Variants in PLOD1 observed in about 807,000 individuals in gnomAD.
PLOD1 encodes lysine hydroxylase.
In PLOD1, 70 loss-of-function variants were observed where a neutral mutation model predicts 94.7. The ratio of observed to expected loss-of-function variants is 0.74; its 90% CI spans 0.61 to 0.90. The LOEUF is 0.90. Among genes scored for constraint, PLOD1 ranks in the 40% least tolerant of loss-of-function variants. The probability of loss-of-function intolerance (pLI) is 0.00; values close to 1 mark genes in which losing one functional copy is unlikely to be tolerated. For missense variants in PLOD1, 905 were observed against 972.7 expected (o/e 0.93, Z 0.93); for synonymous variants, 417 against 400.2 (o/e 1.04, Z -0.50).
Position 11,966,991 on chromosome 1 carries a change from G to T in PLOD1, c.1655G>T (p.Cys552Phe). 1 of 1,609,430 alleles carries T rather than the reference G, an allele frequency of 6.2e-7. No homozygotes were observed. The highest frequency in any genetic ancestry group is 8.5e-7 in the Non-Finnish European group (1 of 1,175,698). The change falls in exon 16 of 19, where the codon TGC becomes TTC. Residue 552 changes from cysteine to phenylalanine, a missense_variant. Cys to Phe is a radical substitution (Grantham distance 205). Transcript: ENST00000196061. ...CTGAGTCCCTGCCCTCCCCAGCCCT[G>T]CCCGGATGTCTATTGGTTCCCCATC... ...ALAGKLVETP[C>F]PDVYWFPIFT...
chr1:11,957,699 A>G lies in PLOD1; in HGVS notation c.742-143A>G, dbSNP rs1178701878. 2.6e-6 allele frequency: 2 copies of G among 756,998 alleles called. No individual in the cohort carries two copies. The highest frequency in any genetic ancestry group is 2.5e-5 in the East Asian group (1 of 39,986). 46.9% of individuals were successfully genotyped at this position (756,998 alleles called of 1,614,324 possible). ...AGAGCGGCTTGGTGATCTCCTGGGG[A>G]TGGAGCATTATCTCCAAGACCCTCT... On this transcript the variant is annotated intron_variant, in intron 7 of 18. Coordinates refer to ENST00000196061, the MANE Select transcript of PLOD1 (RefSeq NM_000302.4). The surrounding 1 kb of genome is among the most constrained non-coding windows in gnomAD (Gnocchi z 4.1).
chr1:11,955,303 C>T (rs781226320), intron 6 of PLOD1, among the ~76,000 whole-genome samples: 2 of 152,184 alleles, frequency 1.3e-5, no homozygotes, highest in African/African-American at 2.4e-5. Flanking sequence ...CCCTTGATGC[C>T]GCAAACATCC....
chr1:11,938,727 G>A (rs1645596400), intron 1 of PLOD1, among the ~76,000 whole-genome samples: 1 of 152,136 alleles, frequency 6.6e-6, no homozygotes, highest in South Asian at 2.1e-4. Context: ...GTGGGGTGCT[G>A]TCAGCAGCTT....
At chr1:11,973,924 A>G (rs1208874648) in intron 18 of PLOD1, among the ~76,000 whole-genome samples, 1 of 152,124 alleles carries the variant, frequency 6.6e-6, no homozygotes, top group African/African-American at 2.4e-5. Flanking sequence ...GGTTTTTACA[A>G]CTATGAGGGG....
At chr1:11,952,334 C>T (rs1003380771) in intron 4 of PLOD1, among the ~76,000 whole-genome samples, 2 of 152,210 alleles carry the variant, frequency 1.3e-5, no homozygotes, top group East Asian at 1.9e-4. Flanking sequence ...TCGTACAATC[C>T]GTTTCTTCAC....
At chr1:11,936,343 G>C (rs955797141) in intron 1 of PLOD1, among the ~76,000 whole-genome samples, 1 of 151,446 alleles carries the variant, frequency 6.6e-6, no homozygotes, top group African/African-American at 2.4e-5. Context: ...GCCATCTCCA[G>C]GGCTGTCCCG....
intron 16 of PLOD1, among the ~76,000 whole-genome samples, 159 bp from the exon 17 acceptor site, chr1:11,970,511 A>G (rs1404221653): frequency 6.6e-6 from 1 of 152,134 alleles, no homozygotes; most frequent in Non-Finnish European, 1.5e-5. Flanking sequence ...GATTAACCCA[A>G]AGTCAACTGA....
chr1:11,952,669 G>C lies in PLOD1; in HGVS notation c.513G>C (p.Trp171Cys). 6.2e-7 allele frequency: 1 copy of C among 1,614,154 alleles called. No individual in the cohort carries two copies. Among genetic ancestry groups the C allele is most frequent in the Admixed American group, 1.7e-5 (1 of 60,028 alleles). ...ACCTCAGCAAACTGGTGGCCGAGTG[G>C]GAGGGCCAGGACAGCGACAGCGATC... ...APNLSKLVAE[W>C]EGQDSDSDQL... Residue 171 changes from tryptophan (W) to cysteine (C), a missense_variant, in exon 5 of 19, where the codon TGG (tryptophan) becomes TGC (cysteine). Transcript: ENST00000196061.
intron 3 of PLOD1, 53 bp from the exon 4 acceptor site, chr1:11,950,304 T>C: frequency 1.9e-6 from 3 of 1,580,504 alleles, no homozygotes; most frequent in Non-Finnish European, 2.6e-6. Flanking sequence ...GTGCCCTCAC[T>C]GGGCCCCTGC....
intron 16 of PLOD1, among the ~76,000 whole-genome samples, chr1:11,969,510 G>C (rs1645845780): frequency 6.6e-6 from 1 of 152,224 alleles, no homozygotes; most frequent in African/African-American, 2.4e-5. Context: ...GCTGATGCTT[G>C]TGCTCCAGTG....
intron 17 of PLOD1, 31 bp downstream of exon 17, chr1:11,970,847 G>C: frequency 1.3e-6 from 2 of 1,599,654 alleles, no homozygotes; most frequent in East Asian, 2.3e-5. Context: ...GCCAGGATGC[G>C]GGGACAGTTG....
At chr1:11,971,226 G>T (rs1645861635) in intron 17 of PLOD1, among the ~76,000 whole-genome samples, 1 of 126,220 alleles carries the variant, frequency 7.9e-6, no homozygotes, top group Non-Finnish European at 1.7e-5. Flanking sequence ...GGGTGGAGTG[G>T]GGGGCTTGGG....
At position 11,972,875 on chromosome 1, in the gene PLOD1, C is replaced by G; in HGVS notation, c.1906C>G (p.Gln636Glu). The change falls in exon 18 of 19, where the codon CAG becomes GAG. Residue 636 changes from glutamine to glutamate, a missense_variant. By Grantham distance (29) the Gln-to-Glu change is conservative (BLOSUM62 2). Coordinates refer to ENST00000196061, the MANE Select transcript of PLOD1 (RefSeq NM_000302.4). This position sits in a 1 kb window ranked among gnomAD's most constrained non-coding sequence, Gnocchi z 4.6. Reference sequence around the variant, plus strand: ...TTGTCCCCCTGCCTTGGTACAGGCCCAGTTTGACCTGGCCTTTGTCGTCCG... The same window carrying G: ...TTGTCCCCCTGCCTTGGTACAGGCCGAGTTTGACCTGGCCTTTGTCGTCCG... ...KLYPGYYTRAQFDLAFVVRYK... is the reference protein window; with the variant it reads ...KLYPGYYTRAEFDLAFVVRYK... The G allele has an allele frequency of 6.2e-7, 1 of 1,614,012 alleles. No individual in the cohort carries two copies. Among genetic ancestry groups the G allele is most frequent in the African/African-American group, 1.3e-5 (1 of 75,020 alleles).
At chr1:11,961,652 C>T (rs990033896) in intron 10 of PLOD1, among the ~76,000 whole-genome samples, 6 of 152,082 alleles carry the variant, frequency 3.9e-5, no homozygotes, top group African/African-American at 9.7e-5. Flanking sequence ...TCTTGTCATC[C>T]AGGCTGGAGT....
chr1:11,949,938 C>A, intron 3 of PLOD1, 32 bp downstream of exon 3: 2 of 1,609,126 alleles, frequency 1.2e-6, no homozygotes, highest in South Asian at 2.2e-5. Context: ...AGCCTGGGCC[C>A]CTCCGCGGAA....
intron 18 of PLOD1, among the ~76,000 whole-genome samples, chr1:11,973,970 C>T (rs574684682): frequency 2.3e-4 from 35 of 152,208 alleles, no homozygotes; most frequent in Admixed American, 6.5e-4. Flanking sequence ...CAGAGATGCC[C>T]GGGACAGCCT....
In PLOD1 at chr1:11,972,850, T is replaced by G; in HGVS notation, c.1903-22T>G. 6.2e-7 allele frequency: 1 copy of G among 1,613,832 alleles called. No individual in the cohort carries two copies. Among genetic ancestry groups the G allele is most frequent in the Middle Eastern group, 1.6e-4 (1 of 6,062 alleles). On this transcript the variant is annotated intron_variant, in intron 17 of 18. Transcript: ENST00000196061. The surrounding 1 kb of genome is among the most constrained non-coding windows in gnomAD (Gnocchi z 4.6). ...TCCTCCTTAACTAACACGGGCTCTCTTGTCCCCCTGCCTTGGTACAGGCCC... is the reference window on the plus strand; with the variant it reads ...TCCTCCTTAACTAACACGGGCTCTCGTGTCCCCCTGCCTTGGTACAGGCCC...
Position 11,957,711 on chromosome 1 carries a change from C to T in PLOD1, c.742-131C>T. 1.3e-6 allele frequency: 1 copy of T among 777,852 alleles called. No homozygotes were observed. Among genetic ancestry groups the T allele is most frequent in the South Asian group, 1.4e-5 (1 of 73,714 alleles). 48.2% of individuals were successfully genotyped at this position (777,852 alleles called of 1,614,324 possible). On this transcript the variant is annotated intron_variant, in intron 7 of 18. Coordinates refer to ENST00000196061, the MANE Select transcript of PLOD1 (RefSeq NM_000302.4). This position sits in a 1 kb window ranked among gnomAD's most constrained non-coding sequence, Gnocchi z 4.1. ...TGATCTCCTGGGGATGGAGCATTAT[C>T]TCCAAGACCCTCTTAGGGAGTGGGA...
At chr1:11,964,327 T>TGGGGGGGGGTGGGGGGGGGGGGGG in intron 12 of PLOD1, 27 bp downstream of exon 12, 1 of 546,368 alleles carries the variant, frequency 1.8e-6, no homozygotes, top group East Asian at 4.8e-5. Flanking sequence ...TGGGGGTGGG[T>TGGGGGGGGGTGGGGGGGGGGGGGG]GGGGGACACC....
Sources: allele counts gnomAD v4.1 joint callset (sites outside exome capture counted in the v4.1 genomes callset), GRCh38; gene constraint gnomAD v4.1.1; non-coding constraint Gnocchi (gnomAD v3.1); transcripts MANE v1.5; gene names NCBI Gene and HGNC (gene_info 2026-07-23, HGNC 2026-07-21).